PCSK5: variants seen among roughly 807,000 people sequenced by gnomAD.
PCSK5 encodes the protein proprotein convertase subtilisin/kexin type 5.
Under a neutral mutation model 233.2 loss-of-function variants are expected in PCSK5, and 129 were observed. The observed-to-expected ratio is 0.55, with a 90% CI of 0.48 to 0.64. PCSK5 has a LOEUF of 0.64. Among genes scored for constraint, PCSK5 ranks in the 30% least tolerant of loss-of-function variants. The pLI is 0.00. For synonymous variants in PCSK5, 825 were observed against 879.2 expected, an observed-to-expected ratio of 0.94 and a Z score of 1.09; for missense variants, 2,076 against 2,430.1, an observed-to-expected ratio of 0.85 and a Z score of 3.06.
At position 76,246,192 on chromosome 9, in the gene PCSK5, A is replaced by C. The variant is rs779196492; in HGVS notation, c.3142+5508A>C. On this transcript the variant is annotated intron_variant, in intron 24 of 37. Transcript: ENST00000674117. ...CCCCGTCTCTACTAAAAATACAAAA[A>C]TTAGCTGAACATGATGGCTCAAACC... 7.6e-4 allele frequency among the ~76,000 whole-genome samples: 115 copies of C among 152,044 alleles called. No individual in the cohort carries two copies. In the Middle Eastern group the frequency reaches 0.01, roughly 13 times the overall value.
intron 34 of PCSK5, 53 bp from the exon 35 acceptor site, chr9:76,338,177 C>T: frequency 7.5e-7 from 1 of 1,337,270 alleles, no homozygotes; most frequent in Non-Finnish European, 1.1e-6. Flanking sequence ...TCCACTGCAT[C>T]CAATTTAGGA....
rs569322310 is a variant in PCSK5, at chr9:76,110,561, C to T, written c.1208+3210C>T. On this transcript the variant is annotated intron_variant, in intron 9 of 37. Coordinates refer to ENST00000674117, the MANE Select transcript of PCSK5 (RefSeq NM_001372043.1). ...CCCAGGAAACTAAGGGAAAAGAAAA[C>T]AAATACATCCGGTAGTCCTAGCTAC... Among the ~76,000 whole-genome samples the T allele has an allele frequency of 2.0e-5, 3 of 152,168 alleles. No homozygotes were observed. The South Asian group carries it at 6.2e-4, about 32-fold the overall frequency.
chr9:76,293,923 G>A (rs139690473), intron 25 of PCSK5, among the ~76,000 whole-genome samples: 39 of 152,292 alleles, frequency 2.6e-4, no homozygotes, highest in Non-Finnish European at 3.1e-4. Context: ...GTTGCTGGGC[G>A]TGTTGGCTCA....
chr9:76,210,734 C>T (rs757698337), intron 20 of PCSK5, among the ~76,000 whole-genome samples: 17 of 152,074 alleles, frequency 1.1e-4, no homozygotes, highest in Non-Finnish European at 2.1e-4. Context: ...ACAGAATTGG[C>T]GTGGGGGGTG....
At position 76,354,138 on chromosome 9, in the gene PCSK5, G is replaced by A; in HGVS notation, c.5173G>A (p.Asp1725Asn). The A allele has an allele frequency of 3.1e-6, 5 of 1,598,566 alleles. No individual in the cohort carries two copies. The highest frequency in any genetic ancestry group is 4.3e-6 in the Non-Finnish European group (5 of 1,173,674). The change falls in exon 37 of 38, where the codon GAC becomes AAC. Residue 1725 changes from aspartate to asparagine, a missense_variant. Asp to Asn is a conservative substitution (Grantham distance 23). This residue lies in a region of PCSK5 where 1,510 missense variants were observed against 1,538.1 expected (regional missense o/e 0.98). Coordinates refer to ENST00000674117, the MANE Select transcript of PCSK5 (RefSeq NM_001372043.1). The stretch of plus-strand genomic sequence containing the variant: ...CCCTGCCAACCTGGTGCTGCACATG[G>A]ACGACAGCCACTGCCTCCACTGCTG... The part of the protein sequence containing the change: ...LCPANLVLHM[D>N]DSHCLHCCNT...
chr9:75,906,321 G>A (rs1826263111), intron 1 of PCSK5, among the ~76,000 whole-genome samples: 1 of 152,114 alleles, frequency 6.6e-6, no homozygotes, highest in South Asian at 2.1e-4. Context: ...CGCCTCCCGG[G>A]TTCAAGCAAT....
In PCSK5 at chr9:76,067,609, A is replaced by C. The variant is rs145867101; in HGVS notation, c.633-346A>C. Among the ~76,000 whole-genome samples, 337 of 152,376 alleles carry C rather than the reference A, an allele frequency of 2.2e-3. 1 individual carries two copies. The highest frequency in any genetic ancestry group is 7.7e-3 in the African/African-American group (319 of 41,594). On this transcript the variant is annotated intron_variant, in intron 5 of 37. Transcript: ENST00000674117. ...TAAAAAATTGAGATAAGGTTGCAGT[A>C]GTCACATTTCAAGTATCTGGTAGCA...
In PCSK5 at chr9:76,136,112, T is replaced by A. The variant is rs138182252; in HGVS notation, c.1312+1900T>A. Among the ~76,000 whole-genome samples, 6 of 152,196 alleles carry A rather than the reference T, an allele frequency of 3.9e-5. No individual in the cohort carries two copies. In the East Asian group the frequency reaches 1.2e-3, roughly 29 times the overall value. ...GCCAAGAGTAACAATTAAAGTTTGC[T>A]TTTTCACAGATGAATTATTCTGAAT... On this transcript the variant is annotated intron_variant, in intron 10 of 37. Coordinates refer to ENST00000674117, the MANE Select transcript of PCSK5 (RefSeq NM_001372043.1).
chr9:76,285,920 T>C (rs1182596060), intron 24 of PCSK5, among the ~76,000 whole-genome samples: 1 of 152,206 alleles, frequency 6.6e-6, no homozygotes, highest in Non-Finnish European at 1.5e-5. Flanking sequence ...TAGTGAACTA[T>C]TAAATTTCTT....
intron 20 of PCSK5, among the ~76,000 whole-genome samples, chr9:76,199,182 A>G (rs1431012576): frequency 3.9e-5 from 6 of 152,110 alleles, no homozygotes; most frequent in African/African-American, 1.4e-4. Flanking sequence ...ACTTACACAA[A>G]CCTAGATGGC....
intron 1 of PCSK5, among the ~76,000 whole-genome samples, chr9:75,908,869 T>A (rs113139280): frequency 0.012 from 1,392 of 119,702 alleles, 13 homozygotes; most frequent in African/African-American, 0.024. Flanking sequence ...ATCCTTCTCT[T>A]TCTATTTATC....
chr9:76,231,893 G>C (rs763213730), intron 21 of PCSK5, among the ~76,000 whole-genome samples: 1 of 152,140 alleles, frequency 6.6e-6, no homozygotes, highest in Admixed American at 6.5e-5. Flanking sequence ...ATGGTGCTGC[G>C]GATGGTTAAC....
intron 24 of PCSK5, among the ~76,000 whole-genome samples, chr9:76,265,675 A>G (rs1390690560): frequency 6.6e-6 from 1 of 152,164 alleles, no homozygotes; most frequent in Non-Finnish European, 1.5e-5. Flanking sequence ...ATGACAGAAC[A>G]TACTTATTCT....
chr9:76,310,701 G>T lies in PCSK5; in HGVS notation c.3734G>T (p.Gly1245Val). Reference sequence around the variant, plus strand: ...GCCTGTGTTTCCTCCTGTCCCCAAGGCACATGGCCTTCCGTAAGGAGTGGG... The same window carrying T: ...GCCTGTGTTTCCTCCTGTCCCCAAGTCACATGGCCTTCCGTAAGGAGTGGG... ...AQACVSSCPQGTWPSVRSGSC... is the reference protein window; with the variant it reads ...AQACVSSCPQVTWPSVRSGSC... Residue 1245 changes from glycine to valine, a missense_variant, in exon 30 of 38, where the codon GGC (glycine) becomes GTC (valine). Gly to Val is a moderately radical substitution (Grantham distance 109). Around this residue, in one of 6 missense-constraint regions of PCSK5, gnomAD observed 1,510 missense variants for 1,538.1 expected, o/e 0.98. Transcript: ENST00000674117. The T allele has an allele frequency of 6.2e-7, 1 of 1,609,984 alleles. No individual in the cohort carries two copies. The highest frequency in any genetic ancestry group is 8.5e-7 in the Non-Finnish European group (1 of 1,178,800).
chr9:75,905,227 G>C lies in PCSK5; in HGVS notation c.192+13854G>C, dbSNP rs143604229. ...ATGAAATGTTCTAAAATAGATTGTTGACCTGGCTCACTGGCTGTTGCCTGT... is the reference window on the plus strand; with the variant it reads ...ATGAAATGTTCTAAAATAGATTGTTCACCTGGCTCACTGGCTGTTGCCTGT... On this transcript the variant is annotated intron_variant, in intron 1 of 37. Transcript: ENST00000674117. Among the ~76,000 whole-genome samples, 796 of 152,246 alleles carry C rather than the reference G, an allele frequency of 5.2e-3. 3 individuals are homozygous for C. Among genetic ancestry groups the C allele is most frequent in the Admixed American group, 8.6e-3 (131 of 15,292 alleles).
At chr9:76,053,705 C>T (rs147544895) in intron 5 of PCSK5, among the ~76,000 whole-genome samples, 7 of 152,168 alleles carry the variant, frequency 4.6e-5, no homozygotes, top group Admixed American at 2.6e-4. Flanking sequence ...TTGTTCATAT[C>T]ACTATGAGCA....
chr9:75,908,937 C>CTCTATCTA (rs1212439160), intron 1 of PCSK5, among the ~76,000 whole-genome samples: 4 of 89,508 alleles, frequency 4.5e-5, no homozygotes, highest in Admixed American at 3.7e-4. Context: ...CTATCTCTCT[C>CTCTATCTA]TCTGTCTATC....
chr9:76,215,234 T>C (rs6560508), intron 20 of PCSK5, among the ~76,000 whole-genome samples: 57,259 of 151,858 alleles, frequency 0.38, 11,015 homozygotes, highest in African/African-American at 0.46. Flanking sequence ...CCATGTAAAA[T>C]CTGGTTAAGA....
At chr9:76,243,016 A>T (rs1789581829) in intron 24 of PCSK5, among the ~76,000 whole-genome samples, 1 of 152,128 alleles carries the variant, frequency 6.6e-6, no homozygotes, top group Non-Finnish European at 1.5e-5. Context: ...TGACAAGAAA[A>T]CCATGGTCAC....
Sources: allele counts gnomAD v4.1 joint callset (sites outside exome capture counted in the v4.1 genomes callset), GRCh38; gene constraint gnomAD v4.1.1; regional missense constraint gnomAD v4.1.1; transcripts MANE v1.5; gene names NCBI Gene and HGNC (gene_info 2026-07-23, HGNC 2026-07-21).